Variants in FAT3 observed in about 807,000 individuals in gnomAD.
FAT3 encodes FAT atypical cadherin 3, also known as protocadherin Fat 3.
In FAT3, 95 loss-of-function variants were observed where a neutral mutation model predicts 310.2. The observed-to-expected ratio is 0.31, with a 90% CI of 0.26 to 0.36. The LOEUF (loss-of-function observed/expected upper bound fraction) is 0.36, where lower values mean the gene tolerates loss of function less well. Among genes scored for constraint, FAT3 ranks in the 10% least tolerant of loss-of-function variants. The pLI is 1.00. For synonymous variants in FAT3, 2,314 were observed against 2,192.9 expected, an observed-to-expected ratio of 1.06 and a Z score of -1.54; for missense variants, 5,408 against 5,715.6, an observed-to-expected ratio of 0.95 and a Z score of 1.74.
intron 3 of FAT3, among the ~76,000 whole-genome samples, chr11:92,666,891 C>T (rs1942971982): frequency 6.6e-6 from 1 of 152,166 alleles, no homozygotes; most frequent in African/African-American, 2.4e-5. Context: ...TCTCCTCACA[C>T]TCCATTGGTT....
At chr11:92,813,196 G>A (rs1005654522) in intron 13 of FAT3, among the ~76,000 whole-genome samples, 3 of 152,034 alleles carry the variant, frequency 2.0e-5, no homozygotes, top group Admixed American at 6.6e-5. Context: ...GCATGAGAAC[G>A]GACTAATATA....
chr11:92,320,272 GT>G (rs1947577555), intron 1 of FAT3, among the ~76,000 whole-genome samples: 1 of 152,150 alleles, frequency 6.6e-6, no homozygotes, highest in Non-Finnish European at 1.5e-5. Flanking sequence ...GGCAGAGTCA[GT>G]TTATTTCAGC....
At chr11:92,435,366 A>G (rs559788168) in intron 2 of FAT3, among the ~76,000 whole-genome samples, 1 of 152,296 alleles carries the variant, frequency 6.6e-6, no homozygotes, top group Admixed American at 6.5e-5. Flanking sequence ...TGGTGTTAGA[A>G]TAACAAGACA....
chr11:92,535,513 G>A (rs1313002132), intron 3 of FAT3, among the ~76,000 whole-genome samples: 1 of 152,212 alleles, frequency 6.6e-6, no homozygotes, highest in African/African-American at 2.4e-5. Context: ...TCTCCTAAAG[G>A]AGGGAGGAAG....
At chr11:92,685,601 AATT>A (rs1943609690) in intron 3 of FAT3, among the ~76,000 whole-genome samples, 1 of 149,570 alleles carries the variant, frequency 6.7e-6, no homozygotes, top group Admixed American at 6.7e-5. Context: ...TTATATATTT[AATT>A]ATTTATTATT....
chr11:92,853,890 G>A (rs867486401), intron 19 of FAT3, among the ~76,000 whole-genome samples: 3 of 152,154 alleles, frequency 2.0e-5, no homozygotes, highest in South Asian at 4.1e-4. Context: ...GGAATACCTG[G>A]AACTGACAGC....
At chr11:92,508,825 A>G (rs559175993) in intron 2 of FAT3, among the ~76,000 whole-genome samples, 1 of 152,272 alleles carries the variant, frequency 6.6e-6, no homozygotes, top group South Asian at 2.1e-4. Context: ...AAGTCTAAAA[A>G]TTGGATTAAA....
In FAT3 at chr11:92,675,592, G is replaced by GT. The variant is rs1943261896; in HGVS notation, c.3608-21792_3608-21791insT. ...AGCGGTGTTAAATGTTCCCAGTAGA[G>GT]GTTCAGGCAGTTTGCTAAGCAAACC... On this transcript the variant is annotated intron_variant, in intron 3 of 27. Transcript: ENST00000525166. Among the ~76,000 whole-genome samples, 3 of 152,230 alleles carry GT rather than the reference G, an allele frequency of 2.0e-5. No homozygotes were observed. In the South Asian group the frequency reaches 6.2e-4, roughly 32 times the overall value.
chr11:92,446,350 C>G (rs1951207909), intron 2 of FAT3, among the ~76,000 whole-genome samples: 1 of 152,124 alleles, frequency 6.6e-6, no homozygotes, highest in Non-Finnish European at 1.5e-5. Flanking sequence ...ACTCAGTGAT[C>G]CTGGACTGGC....
At chr11:92,381,553 A>C (rs1297271413) in intron 2 of FAT3, among the ~76,000 whole-genome samples, 1 of 152,126 alleles carries the variant, frequency 6.6e-6, no homozygotes, top group Non-Finnish European at 1.5e-5. Context: ...TGGTGGGTGC[A>C]TTCACATTTG....
intron 13 of FAT3, among the ~76,000 whole-genome samples, chr11:92,818,346 T>G (rs1387408758): frequency 1.3e-5 from 2 of 152,026 alleles, no homozygotes; most frequent in Admixed American, 6.5e-5. Context: ...TGAAGCATCC[T>G]TTTTCACTGG....
At chr11:92,343,281 A>G (rs1948317872) in intron 1 of FAT3, among the ~76,000 whole-genome samples, 2 of 151,772 alleles carry the variant, frequency 1.3e-5, no homozygotes, top group East Asian at 1.9e-4. Flanking sequence ...GTCGTAGTCT[A>G]CTTGGCTATT....
intron 3 of FAT3, among the ~76,000 whole-genome samples, chr11:92,663,047 T>C (rs906633787): frequency 1.3e-5 from 2 of 152,122 alleles, no homozygotes; most frequent in African/African-American, 4.8e-5. Flanking sequence ...CATAAGACCA[T>C]GCACCAGGGG....
intron 21 of FAT3, among the ~76,000 whole-genome samples, chr11:92,864,884 C>G (rs1306296023): frequency 6.6e-6 from 1 of 152,200 alleles, no homozygotes; most frequent in Non-Finnish European, 1.5e-5. Flanking sequence ...TGTCTTCAGT[C>G]TTTTTACATT....
At chr11:92,279,473 T>G (rs910366768) in intron 1 of FAT3, among the ~76,000 whole-genome samples, 2 of 152,202 alleles carry the variant, frequency 1.3e-5, no homozygotes, top group Non-Finnish European at 2.9e-5. Context: ...CTTTTCTAAG[T>G]GCTTCACATG....
chr11:92,623,318 C>T (rs890219179), intron 3 of FAT3, among the ~76,000 whole-genome samples: 3 of 152,170 alleles, frequency 2.0e-5, no homozygotes, highest in African/African-American at 7.2e-5. Context: ...CTTCCTCACA[C>T]CACTTGCTTT....
At chr11:92,516,685 G>C (rs1472632554) in intron 2 of FAT3, among the ~76,000 whole-genome samples, 1 of 152,158 alleles carries the variant, frequency 6.6e-6, no homozygotes, top group Non-Finnish European at 1.5e-5. Context: ...AATAGGAAGA[G>C]AGGAAGTCAA....
intron 3 of FAT3, among the ~76,000 whole-genome samples, chr11:92,656,060 C>T (rs1238710702): frequency 6.6e-6 from 1 of 152,188 alleles, no homozygotes; most frequent in Non-Finnish European, 1.5e-5. Flanking sequence ...GCCCATCTCG[C>T]TGCCAGAGGC....
chr11:92,563,183 G>C (rs1955295987), intron 3 of FAT3, among the ~76,000 whole-genome samples: 1 of 152,114 alleles, frequency 6.6e-6, no homozygotes, highest in South Asian at 2.1e-4. Flanking sequence ...TAATTGCTCA[G>C]AAAATATTTT....
Sources: allele counts gnomAD v4.1 joint callset (sites outside exome capture counted in the v4.1 genomes callset), GRCh38; gene constraint gnomAD v4.1.1; transcripts MANE v1.5; gene names NCBI Gene and HGNC (gene_info 2026-07-23, HGNC 2026-07-21).